Variants in TENM1 observed in about 807,000 individuals in gnomAD.
TENM1 encodes the protein teneurin-1.
TENM1 carries 35 observed loss-of-function variants against 174.8 expected under a neutral mutation model. That is an observed-to-expected ratio of 0.20 (90% CI 0.15 to 0.27). The LOEUF (loss-of-function observed/expected upper bound fraction) is 0.27. Ranked by LOEUF, TENM1 falls within the 10% of genes least tolerant of loss-of-function variation. The probability of loss-of-function intolerance (pLI) is 1.00; values close to 1 mark genes in which losing one functional copy is unlikely to be tolerated. For missense variants in TENM1, 1,633 were observed against 2,130.1 expected, an observed-to-expected ratio of 0.77 and a Z score of 4.59; for synonymous variants, 781 against 798.7, an observed-to-expected ratio of 0.98 and a Z score of 0.37.
At chrX:125,137,626 A>T in the TENM1 span, among the ~76,000 whole-genome samples, 1 of 111,316 alleles carries the variant, frequency 9.0e-6, no homozygotes, top group Non-Finnish European at 1.9e-5. Flanking sequence ...ATAATCATCA[A>T]ATGAAAACCA....
chrX:124,547,940 C>T (rs2048469692), intron 14 of TENM1, among the ~76,000 whole-genome samples: 2 of 111,865 alleles, frequency 1.8e-5, no homozygotes, highest in African/African-American at 6.5e-5. Flanking sequence ...GGGTTCACGC[C>T]ATTCTCCTGC....
At chrX:125,186,529 A>G in the TENM1 span, among the ~76,000 whole-genome samples, 1 of 108,548 alleles carries the variant, frequency 9.2e-6, no homozygotes, top group African/African-American at 3.4e-5. Flanking sequence ...TGGTGCCCTT[A>G]TCATGCAAGT....
intron 11 of TENM1, among the ~76,000 whole-genome samples, chrX:124,616,243 C>A (rs1462222671): frequency 1.8e-5 from 2 of 112,859 alleles, no homozygotes; most frequent in Non-Finnish European, 1.9e-5. Flanking sequence ...TCAGGCGATG[C>A]CTGGACTTCT....
rs189169246 is a variant in TENM1, at chrX:124,728,821, T to C, written c.776+8136A>G. Among the ~76,000 whole-genome samples, 6 of 112,094 alleles carry C rather than the reference T, an allele frequency of 5.4e-5. No homozygotes were observed. The South Asian group carries it at 1.5e-3, about 28-fold the overall frequency. On this transcript the variant is annotated intron_variant, in intron 4 of 31. Transcript: ENST00000422452. ...TTCAAAACCTGACCTGGATCTGTCA[T>C]ATCCTACCTGTGGGATTTTACAAAG...
At chrX:125,162,555 A>G in the TENM1 span, among the ~76,000 whole-genome samples, 34 of 111,751 alleles carry the variant, frequency 3.0e-4, no homozygotes, top group Non-Finnish European at 4.5e-4. Flanking sequence ...GTTCCTTTAG[A>G]TTCTGAAACA....
At chrX:124,766,068 T>C (rs1404650774) in intron 3 of TENM1, among the ~76,000 whole-genome samples, 1 of 111,941 alleles carries the variant, frequency 8.9e-6, no homozygotes, top group African/African-American at 3.2e-5. Context: ...TGCAAAACAC[T>C]ATATTATCTC....
chrX:124,516,904 C>T (rs1302131612), intron 18 of TENM1, among the ~76,000 whole-genome samples: 1 of 111,488 alleles, frequency 9.0e-6, no homozygotes, highest in African/African-American at 3.3e-5. Context: ...ACCCTAAATG[C>T]CCATCGATGA....
At chrX:124,648,967 G>T (rs1421116838) in intron 8 of TENM1, among the ~76,000 whole-genome samples, 1 of 111,897 alleles carries the variant, frequency 8.9e-6, no homozygotes, top group Non-Finnish European at 1.9e-5. Flanking sequence ...CAATGCAAAT[G>T]AGAAGAGAAG....
At position 124,405,099 on chromosome X, in the gene TENM1, G is replaced by A. The variant is rs768507183; in HGVS notation, c.5323C>T (p.Leu1775Phe). 26 of 1,211,866 alleles carry A rather than the reference G, an allele frequency of 2.1e-5. No homozygotes were observed. In the South Asian group the frequency reaches 4.4e-4, roughly 20 times the overall value. The change falls in exon 27 of 32, where the codon CTC (leucine) becomes TTC (phenylalanine). Residue 1775 changes from leucine to phenylalanine, a missense_variant. Coordinates refer to ENST00000422452, the Ensembl canonical transcript of TENM1. ...TCCTTCCTCTGCCGCCACTCGATGA[G>A]GTTTGCATTGTGCTCTCCGGGCAAT...
chrX:125,134,971 T>C, the TENM1 span, among the ~76,000 whole-genome samples: 1 of 110,548 alleles, frequency 9.0e-6, no homozygotes, highest in South Asian at 4.0e-4. Flanking sequence ...GAAAAGTGGA[T>C]GGGAGAGAAG....
intron 1 of TENM1, among the ~76,000 whole-genome samples, chrX:124,946,460 T>G (rs1349616102): frequency 9.0e-6 from 1 of 111,121 alleles, no homozygotes; most frequent in Non-Finnish European, 1.9e-5. Context: ...AGAGAAGAGG[T>G]CTGAAGGCTG....
At chrX:124,386,129 T>C in intron 28 of TENM1, 65 bp from the exon 32 acceptor site, 41 of 1,017,323 alleles carry the variant, frequency 4.0e-5, no homozygotes, top group Non-Finnish European at 5.2e-5. Context: ...CTAAAGAAAA[T>C]ACACATTCAT....
chrX:124,604,254 C>G (rs2050098651), intron 11 of TENM1, among the ~76,000 whole-genome samples: 2 of 111,478 alleles, frequency 1.8e-5, no homozygotes, highest in South Asian at 7.6e-4. Context: ...CTAGACAGCT[C>G]CAGTCCCTTG....
chrX:124,678,386 C>A (rs1165035503), intron 5 of TENM1, among the ~76,000 whole-genome samples: 2 of 110,483 alleles, frequency 1.8e-5, no homozygotes, highest in African/African-American at 3.3e-5. Flanking sequence ...AAATGAATAC[C>A]AAACTATTGA....
At chrX:124,942,119 G>GT (rs2058337092) in intron 1 of TENM1, among the ~76,000 whole-genome samples, 1 of 111,278 alleles carries the variant, frequency 9.0e-6, no homozygotes, top group African/African-American at 3.3e-5. Context: ...AGCCAAACCA[G>GT]TTTTTTTCAG....
At chrX:125,120,659 T>A in the TENM1 span, among the ~76,000 whole-genome samples, 1 of 112,025 alleles carries the variant, frequency 8.9e-6, no homozygotes, top group South Asian at 3.7e-4. Context: ...CAATCCATTA[T>A]GTTAAAAAAG....
At chrX:124,969,204 G>A in the TENM1 span, among the ~76,000 whole-genome samples, 1 of 112,398 alleles carries the variant, frequency 8.9e-6, no homozygotes, top group African/African-American at 3.2e-5. Flanking sequence ...AATGTGTATG[G>A]AAAACACATG....
chrX:125,113,553 A>C, the TENM1 span, among the ~76,000 whole-genome samples: 1 of 111,585 alleles, frequency 9.0e-6, no homozygotes, highest in South Asian at 3.8e-4. Flanking sequence ...GGCTCAAAAT[A>C]AAGGGATGGA....
intron 3 of TENM1, among the ~76,000 whole-genome samples, chrX:124,824,829 G>A (rs150182895): frequency 4.1e-4 from 46 of 111,566 alleles, no homozygotes; most frequent in Middle Eastern, 4.6e-3. Flanking sequence ...TACTACTAAT[G>A]TGCAATATTA....
Sources: gnomAD v4.1 joint callset for allele counts (sites outside exome capture counted in the v4.1 genomes callset) on GRCh38, gnomAD v4.1.1 for gene constraint, MANE v1.5 for transcripts, NCBI Gene and HGNC (gene_info 2026-07-23, HGNC 2026-07-21) for gene names.